Variants in XRCC6 observed in about 807,000 individuals in gnomAD.
XRCC6 encodes the protein DNA repair protein Ku70.
A neutral mutation model predicts 65.7 loss-of-function variants in XRCC6; 5 were observed. The observed-to-expected ratio is 0.08, with a 90% CI of 0.04 to 0.16. The LOEUF (loss-of-function observed/expected upper bound fraction) is 0.16, where lower values mean the gene tolerates loss of function less well. XRCC6 is among the 10% of genes least tolerant of loss of function. The pLI is 1.00. For missense variants in XRCC6, 447 were observed against 738.1 expected (o/e 0.61, Z 4.57); for synonymous variants, 270 against 270.6 (o/e 1.00, Z 0.02).
chr22:41,632,408 C>T (rs565445128), intron 3 of XRCC6, among the ~76,000 whole-genome samples: 90 of 149,330 alleles, frequency 6.0e-4, no homozygotes, highest in Non-Finnish European at 1.1e-3. Flanking sequence ...GTCAGGAGTT[C>T]GAGACCAGCC....
chr22:41,654,074 C>T (rs2068024371), intron 9 of XRCC6, among the ~76,000 whole-genome samples: 1 of 152,010 alleles, frequency 6.6e-6, no homozygotes, highest in South Asian at 2.1e-4. Flanking sequence ...TGGGGTTTGC[C>T]AAGATAGTGA....
intron 11 of XRCC6, among the ~76,000 whole-genome samples, chr22:41,660,374 C>T (rs968237418): frequency 1.3e-5 from 2 of 152,194 alleles, no homozygotes; most frequent in African/African-American, 4.8e-5. Context: ...TGGTTTCCAG[C>T]TCTGTGATTT....
intron 2 of XRCC6, among the ~76,000 whole-genome samples, chr22:41,626,794 C>T (rs1251280225): frequency 4.6e-5 from 7 of 152,066 alleles, no homozygotes; most frequent in Admixed American, 4.6e-4. Context: ...TCCACCACCA[C>T]GCCCAGCTAA....
chr22:41,639,349 T>TTTTTTG (rs2067848840), intron 6 of XRCC6, among the ~76,000 whole-genome samples: 1 of 132,558 alleles, frequency 7.5e-6, no homozygotes, highest in African/African-American at 2.9e-5. Flanking sequence ...TTTTTTTTTT[T>TTTTTTG]TTTTTGAGAC....
chr22:41,663,578 G>A, intron 12 of XRCC6, 44 bp from the exon 13 acceptor site: 1 of 1,575,298 alleles, frequency 6.3e-7, no homozygotes, highest in African/African-American at 1.3e-5. Context: ...GATGCCACTT[G>A]TATGTAGCAT....
chr22:41,641,854 G>A (rs1404770176), intron 6 of XRCC6, among the ~76,000 whole-genome samples: 1 of 151,990 alleles, frequency 6.6e-6, no homozygotes, highest in African/African-American at 2.4e-5. Context: ...CTGCAATGGC[G>A]CGATCTCGGC....
At chr22:41,641,904 T>C (rs577532411) in intron 6 of XRCC6, among the ~76,000 whole-genome samples, 27 of 152,234 alleles carry the variant, frequency 1.8e-4, no homozygotes, top group African/African-American at 6.3e-4. Context: ...GCAGTTCTCC[T>C]GCAGCCTCCC....
intron 7 of XRCC6, among the ~76,000 whole-genome samples, chr22:41,649,752 G>C (rs2067976430): frequency 6.6e-6 from 1 of 151,912 alleles, no homozygotes; most frequent in African/African-American, 2.4e-5. Flanking sequence ...CTACTCGTGG[G>C]GCTGAGGCAG....
Position 41,627,971 on chromosome 22 carries a change from A to G in XRCC6, c.83-147A>G, listed in dbSNP as rs1032384140. The G allele has an allele frequency of 3.2e-5, 16 of 504,884 alleles. 1 individual carries two copies. The highest frequency in any genetic ancestry group is 3.0e-4 in the African/African-American group (15 of 50,384). 31.3% of individuals were successfully genotyped at this position (504,884 alleles called of 1,614,324 possible). A position where few individuals can be genotyped will look rare whatever the true frequency, so the allele number is the denominator to read the frequency against. On this transcript the variant is annotated intron_variant, in intron 2 of 12. Coordinates refer to ENST00000360079, the MANE Select transcript of XRCC6 (RefSeq NM_001469.5). ...TTTCTGGGGTGTCTGGCAAGACTCA[A>G]TTTCCTGACATAGGTGGAGATTTTA...
At chr22:41,639,320 ATTCTTT>A (rs1217931402) in intron 6 of XRCC6, among the ~76,000 whole-genome samples, 2 of 62,424 alleles carry the variant, frequency 3.2e-5, no homozygotes, top group Non-Finnish European at 7.6e-5. Context: ...AGATTGCTAG[ATTCTTT>A]TTCTTTTTTT....
At chr22:41,629,421 T>C (rs907979224) in intron 3 of XRCC6, among the ~76,000 whole-genome samples, 1 of 152,206 alleles carries the variant, frequency 6.6e-6, no homozygotes, top group Admixed American at 6.5e-5. Flanking sequence ...GAAAGTATTA[T>C]GCTAAGTGAA....
Position 41,656,884 on chromosome 22 carries a change from A to G in XRCC6, c.1292-19A>G. ...AACACTTGAAGTCAAATCAAAGAAA[A>G]TTTATCTCCTTTCTTCAGGCTTCCA... On this transcript the variant is annotated intron_variant, in intron 9 of 12. Transcript: ENST00000360079. 1.2e-6 allele frequency: 2 copies of G among 1,612,098 alleles called. No individual in the cohort carries two copies. The highest frequency in any genetic ancestry group is 1.1e-5 in the South Asian group (1 of 90,930).
At chr22:41,640,209 C>T (rs750504798) in intron 6 of XRCC6, among the ~76,000 whole-genome samples, 61 of 150,728 alleles carry the variant, frequency 4.0e-4, no homozygotes, top group Admixed American at 7.3e-4. Context: ...AGTGCAGTGG[C>T]GTGATCTCAG....
intron 2 of XRCC6, among the ~76,000 whole-genome samples, chr22:41,622,587 T>C (rs1377496236): frequency 6.6e-6 from 1 of 152,136 alleles, no homozygotes; most frequent in African/African-American, 2.4e-5. Flanking sequence ...TAGGGGTACA[T>C]GTAATCTTCA....
At chr22:41,661,236 T>C (rs1407130606) in intron 11 of XRCC6, 95 bp from the exon 12 acceptor site, 1 of 1,026,208 alleles carries the variant, frequency 9.7e-7, no homozygotes, top group African/African-American at 1.6e-5. Context: ...AGCAGTTAGG[T>C]GCTCTCTCTT....
intron 3 of XRCC6, among the ~76,000 whole-genome samples, chr22:41,634,393 G>A (rs1055045066): frequency 1.3e-5 from 2 of 151,904 alleles, no homozygotes; most frequent in African/African-American, 4.8e-5. Flanking sequence ...GTTTTGCCAT[G>A]TTGCCCAGGC....
chr22:41,631,528 C>T (rs1283770957), intron 3 of XRCC6, among the ~76,000 whole-genome samples: 5 of 136,976 alleles, frequency 3.7e-5, no homozygotes, highest in African/African-American at 8.5e-5. Flanking sequence ...ACATCCCAGA[C>T]GGGGCGGCGG....
intron 6 of XRCC6, among the ~76,000 whole-genome samples, chr22:41,638,451 G>GT (rs1395283177): frequency 6.6e-6 from 1 of 152,006 alleles, no homozygotes; most frequent in Non-Finnish European, 1.5e-5. Context: ...AAGTATTTGT[G>GT]TATCTAAATG....
chr22:41,639,573 C>G (rs1317187631), intron 6 of XRCC6, among the ~76,000 whole-genome samples: 1 of 151,100 alleles, frequency 6.6e-6, no homozygotes, highest in Admixed American at 6.6e-5. Flanking sequence ...TTGCAAACTC[C>G]TGGGCTCAAG....
Sources: gnomAD v4.1 joint callset for allele counts (sites outside exome capture counted in the v4.1 genomes callset) on GRCh38, gnomAD v4.1.1 for gene constraint, MANE v1.5 for transcripts, NCBI Gene and HGNC (gene_info 2026-07-23, HGNC 2026-07-21) for gene names.